TRANK1: variants seen among roughly 807,000 people sequenced by gnomAD.
TRANK1 encodes TPR and ankyrin repeat-containing protein 1.
TRANK1 carries 198 observed loss-of-function variants against 266.0 expected under a neutral mutation model. That is an observed-to-expected ratio of 0.74 (90% CI 0.66 to 0.84). The LOEUF (loss-of-function observed/expected upper bound fraction) is 0.84, where lower values mean the gene tolerates loss of function less well. Ranked by LOEUF, TRANK1 falls within the 40% of genes least tolerant of loss-of-function variation. The pLI is 0.00. For missense variants in TRANK1, 3,326 were observed against 3,634.6 expected (o/e 0.92, Z 2.18); for synonymous variants, 1,396 against 1,384.1 (o/e 1.01, Z -0.19).
At chr3:36,840,201 C>G (rs1280657335) in intron 18 of TRANK1, among the ~76,000 whole-genome samples, 1 of 151,582 alleles carries the variant, frequency 6.6e-6, no homozygotes. Context: ...TTATCCCTCC[C>G]TTCCCTCCCT....
intron 18 of TRANK1, among the ~76,000 whole-genome samples, chr3:36,840,763 A>G (rs1040528200): frequency 6.6e-6 from 1 of 152,294 alleles, no homozygotes; most frequent in Admixed American, 6.5e-5. Flanking sequence ...CCCCTGAGCC[A>G]AGAGCCAGCC....
chr3:36,874,222 C>G lies in TRANK1; in HGVS notation c.982G>C (p.Val328Leu), dbSNP rs1380141883. The change falls in exon 9 of 24, where the codon GTT (valine) becomes CTT (leucine). Residue 328 changes from valine (V) to leucine (L), a missense_variant. Val to Leu is a conservative substitution (Grantham distance 32). Coordinates refer to ENST00000645898, the MANE Select transcript of TRANK1 (RefSeq NM_001329998.2). ...TTATTCCTCTTCAGGACATCCACAA[C>G]AGACCGAGACTGTCGATCCAGCAAA... ...PTLLDRQSRS[V>L]VDVLKRNKNF... 17 of 1,537,132 alleles carry G rather than the reference C, an allele frequency of 1.1e-5. No homozygotes were observed. Among genetic ancestry groups the G allele is most frequent in the East Asian group, 2.4e-5 (1 of 40,932 alleles).
chr3:36,836,882 T>C (rs1182402308), intron 20 of TRANK1, among the ~76,000 whole-genome samples: 2 of 152,224 alleles, frequency 1.3e-5, no homozygotes, highest in Non-Finnish European at 2.9e-5. Context: ...TGCTGCCCTA[T>C]AGACCTCTTC....
In TRANK1 at chr3:36,831,678, G is replaced by A. The variant is rs2078696349; in HGVS notation, c.7905C>T (p.Leu2635=). 1 of 1,613,930 alleles carries A rather than the reference G, an allele frequency of 6.2e-7. No homozygotes were observed. ...KSVAEALQDL[L]FERDEEYLMD... ...TTAGGTACTCTTCATCCCGCTCAAAGAGCAGGTCCTGCAGTGCCTCAGCCA... is the reference window on the plus strand; with the variant it reads ...TTAGGTACTCTTCATCCCGCTCAAAAAGCAGGTCCTGCAGTGCCTCAGCCA... The change falls in exon 22 of 24, where the codon CTC becomes CTT. Residue 2635 remains leucine (L), a synonymous_variant. Transcript: ENST00000645898. The surrounding 1 kb of genome is among the most constrained non-coding windows in gnomAD (Gnocchi z 5.0).
Position 36,833,427 on chromosome 3 carries a change from C to G in TRANK1, c.6156G>C (p.Lys2052Asn). The change falls in exon 22 of 24, where the codon AAG (lysine) becomes AAC (asparagine). Residue 2052 changes from lysine to asparagine, a missense_variant. By Grantham distance (94) the Lys-to-Asn change is moderately conservative. Transcript: ENST00000645898. ...DFQKLRDAFF[K>N]FDTLNHSAGV... ...CAGCTGAGTGGTTGAGCGTGTCAAACTTGAAGAAGGCATCCCTGAGCTTCT... is the reference window on the plus strand; with the variant it reads ...CAGCTGAGTGGTTGAGCGTGTCAAAGTTGAAGAAGGCATCCCTGAGCTTCT... 6.2e-7 allele frequency: 1 copy of G among 1,613,886 alleles called. No homozygotes were observed. The highest frequency in any genetic ancestry group is 8.5e-7 in the Non-Finnish European group (1 of 1,179,810).
chr3:36,895,839 C>A, intron 4 of TRANK1, 81 bp from the exon 5 acceptor site: 2 of 812,272 alleles, frequency 2.5e-6, no homozygotes, highest in South Asian at 1.9e-5. Flanking sequence ...CAATTAAGTT[C>A]ACACATAGAC....
At chr3:36,881,432 G>A (rs2079530503) in intron 8 of TRANK1, among the ~76,000 whole-genome samples, 1 of 151,308 alleles carries the variant, frequency 6.6e-6, no homozygotes, top group South Asian at 2.1e-4. Flanking sequence ...CTGGGTGACA[G>A]AGCAAGACTC....
intron 2 of TRANK1, among the ~76,000 whole-genome samples, chr3:36,904,785 C>A (rs2079937828): frequency 1.3e-5 from 2 of 152,026 alleles, no homozygotes; most frequent in African/African-American, 4.8e-5. Flanking sequence ...GCAGTGACCG[C>A]AAGTGTAAGA....
intron 9 of TRANK1, among the ~76,000 whole-genome samples, chr3:36,871,993 A>C (rs1204346793): frequency 6.6e-6 from 1 of 152,258 alleles, no homozygotes; most frequent in African/African-American, 2.4e-5. Flanking sequence ...AACTGCAGGA[A>C]ATAAATGCTT....
At chr3:36,908,498 G>A (rs2080006342) in intron 1 of TRANK1, 44 bp from the exon 2 acceptor site, 1 of 1,232,110 alleles carries the variant, frequency 8.1e-7, no homozygotes, top group Non-Finnish European at 1.0e-6. Context: ...ACCCGTGCAG[G>A]GCATGTTCAC....
chr3:36,906,287 C>A (rs1002034247), intron 2 of TRANK1, among the ~76,000 whole-genome samples: 1 of 152,148 alleles, frequency 6.6e-6, no homozygotes, highest in African/African-American at 2.4e-5. Flanking sequence ...AATTTGGTGC[C>A]ATTTCCTAGC....
chr3:36,892,437 T>C (rs1258387510), intron 6 of TRANK1, 97 bp from the exon 7 acceptor site: 4 of 1,414,902 alleles, frequency 2.8e-6, no homozygotes, highest in Non-Finnish European at 3.8e-6. Flanking sequence ...CAGTAAAACT[T>C]GGATTAGCTG....
intron 7 of TRANK1, 82 bp from the exon 8 acceptor site, chr3:36,890,042 A>G: frequency 1.3e-6 from 2 of 1,486,642 alleles, no homozygotes; most frequent in Non-Finnish European, 1.8e-6. Context: ...GCAATAGATT[A>G]AAAAGAAAGA....
chr3:36,854,809 G>A (rs555069993), intron 13 of TRANK1, among the ~76,000 whole-genome samples: 1 of 151,630 alleles, frequency 6.6e-6, no homozygotes, highest in South Asian at 2.1e-4. Flanking sequence ...CTGCTTCAAG[G>A]ATTAATGACT....
At position 36,833,253 on chromosome 3, in the gene TRANK1, G is replaced by T; in HGVS notation, c.6330C>A (p.Val2110=). 6.2e-7 allele frequency: 1 copy of T among 1,613,954 alleles called. No homozygotes were observed. Among genetic ancestry groups the T allele is most frequent in the South Asian group, 1.1e-5 (1 of 91,050 alleles). ...RVTNNAEKEM[V]KSCFEFFGIS... ...TCCCAAAAAACTCAAAGCAAGATTT[G>T]ACCATTTCCTTCTCAGCATTGTTGG... is the stretch of plus-strand genomic sequence containing the variant. The change falls in exon 22 of 24, where the codon GTC becomes GTA. Residue 2110 remains valine, a synonymous_variant. Coordinates refer to ENST00000645898, the MANE Select transcript of TRANK1 (RefSeq NM_001329998.2).
At chr3:36,944,702 C>T in intron 1 of TRANK1, 85 bp downstream of exon 1, 1 of 1,463,580 alleles carries the variant, frequency 6.8e-7, no homozygotes, top group African/African-American at 1.5e-5. Flanking sequence ...GGTCGCCAGT[C>T]CCCGCGCGCG....
intron 1 of TRANK1, among the ~76,000 whole-genome samples, chr3:36,943,941 C>T (rs2080533563): frequency 6.6e-6 from 1 of 151,954 alleles, no homozygotes; most frequent in Admixed American, 6.6e-5. Flanking sequence ...TAGGAAGCAC[C>T]AAAGCTTTCA....
intron 1 of TRANK1, among the ~76,000 whole-genome samples, chr3:36,914,849 G>A (rs1171205859): frequency 6.6e-6 from 1 of 152,122 alleles, no homozygotes; most frequent in Non-Finnish European, 1.5e-5. Context: ...TGTTGGCCAG[G>A]CTTGTCTCCA....
At chr3:36,892,841 AC>A in intron 6 of TRANK1, 59 bp downstream of exon 6, 1 of 733,084 alleles carries the variant, frequency 1.4e-6, no homozygotes, top group South Asian at 5.3e-5. Context: ...ACAAAACAAA[AC>A]AAAACAAAAC....
Sources: allele counts gnomAD v4.1 joint callset (sites outside exome capture counted in the v4.1 genomes callset), GRCh38; gene constraint gnomAD v4.1.1; non-coding constraint Gnocchi (gnomAD v3.1); transcripts MANE v1.5; gene names NCBI Gene and HGNC (gene_info 2026-07-23, HGNC 2026-07-21).